The following ANKS1B variants were observed in gnomAD, a reference collection of about 807,000 sequenced individuals.
ANKS1B encodes ankyrin repeat and sterile alpha motif domain containing 1B, also known as ankyrin repeat and sterile alpha motif domain-containing protein 1B.
Under a neutral mutation model 148.3 loss-of-function variants are expected in ANKS1B, and 36 were observed. That is an observed-to-expected ratio of 0.24 (90% CI 0.19 to 0.32). The LOEUF (loss-of-function observed/expected upper bound fraction) is 0.32, where lower values mean the gene tolerates loss of function less well. Ranked by LOEUF, ANKS1B falls within the 10% of genes least tolerant of loss-of-function variation. ANKS1B has a pLI of 1.00. For missense variants in ANKS1B, 1,157 were observed against 1,542.6 expected (o/e 0.75, Z 4.19); for synonymous variants, 542 against 560.8 (o/e 0.97, Z 0.47).
intron 14 of ANKS1B, among the ~76,000 whole-genome samples, chr12:99,222,656 A>G (rs2085305872): frequency 6.6e-6 from 1 of 152,154 alleles, no homozygotes; most frequent in African/African-American, 2.4e-5. Flanking sequence ...CTTATATGAC[A>G]TCTCATACTT....
intron 12 of ANKS1B, among the ~76,000 whole-genome samples, chr12:99,399,131 T>C (rs371428936): frequency 6.6e-6 from 1 of 152,206 alleles, no homozygotes; most frequent in Non-Finnish European, 1.5e-5. Context: ...GTTTTACTAG[T>C]GGGTGGTGTT....
chr12:99,700,810 G>C (rs1182529439), intron 8 of ANKS1B, among the ~76,000 whole-genome samples: 1 of 152,132 alleles, frequency 6.6e-6, no homozygotes, highest in Non-Finnish European at 1.5e-5. Flanking sequence ...ATATGCTAGA[G>C]AATTTATGTT....
chr12:99,321,764 C>T (rs1165270343), intron 12 of ANKS1B, among the ~76,000 whole-genome samples: 3 of 152,224 alleles, frequency 2.0e-5, no homozygotes, highest in Non-Finnish European at 1.5e-5. Context: ...CTGTCTTCTG[C>T]ATCACTCACA....
At chr12:99,872,179 A>G (rs2091599319) in intron 1 of ANKS1B, among the ~76,000 whole-genome samples, 1 of 152,112 alleles carries the variant, frequency 6.6e-6, no homozygotes, top group African/African-American at 2.4e-5. Flanking sequence ...TTTTACAGCC[A>G]CTCTGGAAAA....
intron 16 of ANKS1B, among the ~76,000 whole-genome samples, chr12:99,058,719 CTTTTTTTTTTTT>C (rs869064302): frequency 9.9e-5 from 8 of 80,686 alleles, no homozygotes; most frequent in East Asian, 3.4e-4. Context: ...TCTATCTATC[CTTTTTTTTTTTT>C]TTTTTTTTTT....
At chr12:99,412,644 T>G (rs2094752964) in intron 11 of ANKS1B, among the ~76,000 whole-genome samples, 1 of 152,216 alleles carries the variant, frequency 6.6e-6, no homozygotes, top group Non-Finnish European at 1.5e-5. Flanking sequence ...CTCTCCCTGT[T>G]TTTCATCACT....
At chr12:98,799,108 G>T in intron 21 of ANKS1B, 103 bp from the exon 22 acceptor site, 2 of 683,586 alleles carry the variant, frequency 2.9e-6, no homozygotes, top group Non-Finnish European at 4.5e-6. Context: ...TTTCCTGGCT[G>T]TAAGTTGTTG....
chr12:99,913,715 A>AAC (rs943069330), intron 1 of ANKS1B, among the ~76,000 whole-genome samples: 12 of 152,028 alleles, frequency 7.9e-5, no homozygotes, highest in African/African-American at 2.7e-4. Context: ...CAATTAAGAA[A>AAC]ATATATATAT....
intron 9 of ANKS1B, among the ~76,000 whole-genome samples, chr12:99,605,730 A>G (rs2097846789): frequency 6.6e-6 from 1 of 152,134 alleles, no homozygotes; most frequent in African/African-American, 2.4e-5. Flanking sequence ...AAATCCATTC[A>G]TCCATTGATT....
chr12:99,522,493 A>G (rs2096884759), intron 9 of ANKS1B, among the ~76,000 whole-genome samples: 1 of 152,232 alleles, frequency 6.6e-6, no homozygotes, highest in African/African-American at 2.4e-5. Context: ...ATTGGCAATA[A>G]GAAATCTATA....
At chr12:98,973,350 G>A (rs56296716) in intron 17 of ANKS1B, among the ~76,000 whole-genome samples, 27,548 of 152,044 alleles carry the variant, frequency 0.18, 2,672 homozygotes, top group African/African-American at 0.23. Context: ...TAAACATTAT[G>A]TTTTAAGGTA....
At chr12:98,919,859 A>G (rs192513668) in intron 17 of ANKS1B, among the ~76,000 whole-genome samples, 37 of 152,310 alleles carry the variant, frequency 2.4e-4, no homozygotes, top group Admixed American at 1.4e-3. Flanking sequence ...AGCCAGTTCC[A>G]GAGACTAGCA....
chr12:98,832,611 G>A (rs1006401323), intron 17 of ANKS1B, among the ~76,000 whole-genome samples: 1 of 152,028 alleles, frequency 6.6e-6, no homozygotes, highest in Non-Finnish European at 1.5e-5. Context: ...CACCTGCCTG[G>A]AATGCCCCCT....
intron 15 of ANKS1B, among the ~76,000 whole-genome samples, chr12:99,137,084 G>A (rs1300336807): frequency 6.6e-6 from 1 of 152,136 alleles, no homozygotes; most frequent in South Asian, 2.1e-4. Flanking sequence ...CATTGTCTTG[G>A]TTGTGCGGTA....
rs372036268 is a variant in ANKS1B, at chr12:99,381,677, G to A, written c.1756+17954C>T. On this transcript the variant is annotated intron_variant, in intron 12 of 26. Transcript: ENST00000683438. ...AGTGCAAGAGTGGAGTAATTTTCAG[G>A]AATGACTGAGAGATCCAAAAGTGAG... Among the ~76,000 whole-genome samples the A allele has an allele frequency of 3.9e-5, 6 of 152,318 alleles. No homozygotes were observed. The South Asian group carries it at 1.2e-3, about 32-fold the overall frequency.
intron 9 of ANKS1B, among the ~76,000 whole-genome samples, chr12:99,509,712 G>A (rs980739225): frequency 3.3e-5 from 5 of 152,016 alleles, no homozygotes; most frequent in African/African-American, 1.2e-4. Flanking sequence ...AAGTTATCCA[G>A]AAGATCCCGC....
intron 12 of ANKS1B, among the ~76,000 whole-genome samples, chr12:99,397,888 C>T (rs989527196): frequency 3.3e-5 from 5 of 151,986 alleles, no homozygotes; most frequent in African/African-American, 1.2e-4. Context: ...TGCATTTGAA[C>T]CAAAACCTAA....
intron 12 of ANKS1B, among the ~76,000 whole-genome samples, chr12:99,347,165 A>G (rs562485349): frequency 3.4e-4 from 51 of 152,160 alleles, no homozygotes; most frequent in African/African-American, 1.2e-3. Context: ...GGGCACAAAC[A>G]TGGCTGCACA....
chr12:98,754,537 G>A (rs1167099902), intron 25 of ANKS1B, among the ~76,000 whole-genome samples: 1 of 152,206 alleles, frequency 6.6e-6, no homozygotes, highest in African/African-American at 2.4e-5. Flanking sequence ...TGTTCTGGGT[G>A]GGAAACTAGA....
Sources: allele counts gnomAD v4.1 joint callset (sites outside exome capture counted in the v4.1 genomes callset), GRCh38; gene constraint gnomAD v4.1.1; transcripts MANE v1.5; gene names NCBI Gene and HGNC (gene_info 2026-07-23, HGNC 2026-07-21).